The following IVD variants were observed in gnomAD, a reference collection of about 807,000 sequenced individuals.
The protein encoded by IVD is isovaleryl-CoA dehydrogenase.
In IVD, 31 loss-of-function variants were observed where a neutral mutation model predicts 51.3. That is an observed-to-expected ratio of 0.60 (90% confidence interval 0.45 to 0.81). IVD has a LOEUF of 0.81. IVD is among the 40% of genes least tolerant of loss of function. The pLI is 0.00. For synonymous variants in IVD, 205 were observed against 219.4 expected, an observed-to-expected ratio of 0.93 and a Z score of 0.58; for missense variants, 475 against 552.0, an observed-to-expected ratio of 0.86 and a Z score of 1.40.
At chr15:40,423,029 T>G (rs1892451361), downstream of IVD, among the ~76,000 whole-genome samples, 1 of 152,054 alleles carries the variant, frequency 6.6e-6, no homozygotes, top group Non-Finnish European at 1.5e-5. Flanking sequence ...TCCTCTGGCC[T>G]CAGTCCTCCC....
intron 8 of IVD, among the ~76,000 whole-genome samples, chr15:40,435,093 T>C (rs1441625996): frequency 3.3e-5 from 5 of 152,222 alleles, no homozygotes; most frequent in Non-Finnish European, 2.9e-5. Flanking sequence ...CCTACTGAGA[T>C]TGGGGCGAGA....
rs1219365848 is a variant in IVD, at chr15:40,420,864, A to G, written c.*2601A>G. On this transcript the variant is annotated 3_prime_UTR_variant, in exon 12 of 12. Coordinates refer to ENST00000487418, the MANE Select transcript of IVD (RefSeq NM_002225.5). ...GGATAGAGTGTGATCTGAGAAGGGAATGGGTCTGGGTTGTTCCACCCCTTC... is the reference window on the plus strand; with the variant it reads ...GGATAGAGTGTGATCTGAGAAGGGAGTGGGTCTGGGTTGTTCCACCCCTTC... 64 of 985,380 alleles carry G rather than the reference A, an allele frequency of 6.5e-5. No homozygotes were observed. Among genetic ancestry groups the G allele is most frequent in the Non-Finnish European group, 7.6e-5 (63 of 829,974 alleles). 61.0% of individuals were successfully genotyped at this position (985,380 alleles called of 1,614,324 possible). A position where few individuals can be genotyped will look rare whatever the true frequency, so the allele number is the denominator to read the frequency against.
Position 40,419,471 on chromosome 15 carries a change from G to A in IVD, c.*1208G>A, listed in dbSNP as rs7165233. Reference sequence around the variant, plus strand: ...GGTTGCAATGAGCCAATATGACACCGCTGCAGTCCAGCCTGGGCCATAGAG... The same window carrying A: ...GGTTGCAATGAGCCAATATGACACCACTGCAGTCCAGCCTGGGCCATAGAG... On this transcript the variant is annotated 3_prime_UTR_variant, in exon 12 of 12. Transcript: ENST00000487418. 7.4e-3 allele frequency: 2,355 copies of A among 318,254 alleles called. 56 individuals are homozygous for A. The highest frequency in any genetic ancestry group is 0.048 in the African/African-American group (2,197 of 45,606). The allele number at this position is 318,254 out of a possible 1,614,324, so 19.7% of individuals were successfully genotyped here. A position where few individuals can be genotyped will look rare whatever the true frequency, so the allele number is the denominator to read the frequency against.
Position 40,420,933 on chromosome 15 carries a change from A to T in IVD, c.*2670A>T, listed in dbSNP as rs531526442. On this transcript the variant is annotated 3_prime_UTR_variant, in exon 12 of 12. Transcript: ENST00000487418. ...AACTGGTTTTCTTGGTTCTCAGCCC[A>T]GCAGCACCTATCCTGGCTCTTGGTC... The T allele has an allele frequency of 1.0e-6, 1 of 985,568 alleles. No individual in the cohort carries two copies. The highest frequency in any genetic ancestry group is 1.1e-4 in the East Asian group (1 of 8,822). The allele number at this position is 985,568 out of a possible 1,614,324, so 61.1% of individuals were successfully genotyped here.
At position 40,420,134 on chromosome 15, in the gene IVD, T is replaced by A. The variant is rs1804683447; in HGVS notation, c.*1871T>A. The A allele has an allele frequency of 1.0e-6, 1 of 963,710 alleles. No homozygotes were observed. Among genetic ancestry groups the A allele is most frequent in the South Asian group, 5.0e-5 (1 of 19,850 alleles). The allele number at this position is 963,710 out of a possible 1,614,324, so 59.7% of individuals were successfully genotyped here. On this transcript the variant is annotated 3_prime_UTR_variant, in exon 12 of 12. Coordinates refer to ENST00000487418, the MANE Select transcript of IVD (RefSeq NM_002225.5). ...TAATAATAAAATAAATGAACACACA[T>A]GCTGCTGAGTCCGCAGGGGGGGCAG...
At chr15:40,408,548 A>G (rs1259480677) in intron 3 of IVD, among the ~76,000 whole-genome samples, 1 of 152,182 alleles carries the variant, frequency 6.6e-6, no homozygotes, top group South Asian at 2.1e-4. Context: ...TGGCCAGATG[A>G]TGTGTTTAAT....
downstream of IVD, among the ~76,000 whole-genome samples, chr15:40,423,842 TC>T (rs1163674468): frequency 6.6e-6 from 1 of 152,194 alleles, no homozygotes; most frequent in Non-Finnish European, 1.5e-5. Context: ...GCCAGCCCTG[TC>T]CACGGGCCAG....
At position 40,405,827 on chromosome 15, in the gene IVD, G is replaced by C; in HGVS notation, c.-1G>C. On this transcript the variant is annotated 5_prime_UTR_variant, in exon 1 of 12. Transcript: ENST00000487418. ...GCGCTGGCTCTTCGTGCATGGCAGA[G>C]ATGGCGACTGCGACTCGGCTGCTGG... The C allele has an allele frequency of 1.2e-6, 2 of 1,611,864 alleles. No homozygotes were observed. Among genetic ancestry groups the C allele is most frequent in the Non-Finnish European group, 1.7e-6 (2 of 1,178,472 alleles).
intron 8 of IVD, 54 bp downstream of exon 8, chr15:40,415,036 G>T: frequency 1.3e-6 from 2 of 1,596,442 alleles, no homozygotes; most frequent in South Asian, 2.2e-5. Context: ...CTCGGCAGGT[G>T]ACCCACCATG....
At chr15:40,435,349 C>A in intron 8 of IVD, 1 of 982,002 alleles carries the variant, frequency 1.0e-6, no homozygotes, top group Non-Finnish European at 1.2e-6. Context: ...GATGGTAGAG[C>A]TCCTGGTTGG....
At chr15:40,429,308 C>A (rs1941281913), downstream of IVD, among the ~76,000 whole-genome samples, 1 of 152,222 alleles carries the variant, frequency 6.6e-6, no homozygotes, top group Admixed American at 6.5e-5. Flanking sequence ...CAATCCCCTG[C>A]TCAGTTAAGA....
At chr15:40,417,852 A>G (rs1329902978) in intron 11 of IVD, among the ~76,000 whole-genome samples, 1 of 152,106 alleles carries the variant, frequency 6.6e-6, no homozygotes, top group Non-Finnish European at 1.5e-5. Flanking sequence ...CATAAATTAA[A>G]CTTTCTCATA....
intron 6 of IVD, chr15:40,412,561 C>A: frequency 4.5e-6 from 1 of 222,380 alleles, no homozygotes; most frequent in Non-Finnish European, 9.0e-6. Context: ...TGCTGCAACC[C>A]AGTAGTCCAG....
At chr15:40,407,608 T>C (rs1265236869) in intron 1 of IVD, 28 bp from the exon 2 acceptor site, 3 of 1,516,836 alleles carry the variant, frequency 2.0e-6, no homozygotes, top group South Asian at 1.1e-5. Flanking sequence ...CTGTCTGCAG[T>C]GGCATCTGTT....
At chr15:40,416,797 A>G (rs571645200) in intron 11 of IVD, among the ~76,000 whole-genome samples, 1 of 152,314 alleles carries the variant, frequency 6.6e-6, no homozygotes, top group African/African-American at 2.4e-5. Context: ...CCCAGTTACA[A>G]GGAGGAAATG....
chr15:40,415,377 C>T lies in IVD; in HGVS notation c.879-24C>T, dbSNP rs778109931. 8.1e-6 allele frequency: 13 copies of T among 1,603,994 alleles called. No individual in the cohort carries two copies. In the Middle Eastern group the frequency reaches 5.0e-4, roughly 61 times the overall value. ...CGGTGGTGGGATGAGGAGGTGCCCA[C>T]GGGGCCTTTCTCCTTTCTGACAGGC... On this transcript the variant is annotated intron_variant, in intron 8 of 11. Transcript: ENST00000487418.
intron 9 of IVD, 44 bp from the exon 10 acceptor site, chr15:40,416,030 TGAGA>T (rs1211068332): frequency 4.5e-6 from 7 of 1,572,960 alleles, no homozygotes; most frequent in Admixed American, 1.7e-5. Flanking sequence ...TTTTGGTAAC[TGAGA>T]GAGTGTTCCA....
downstream of IVD, among the ~76,000 whole-genome samples, chr15:40,424,677 A>C (rs1238220711): frequency 2.0e-5 from 3 of 152,242 alleles, no homozygotes; most frequent in Non-Finnish European, 2.9e-5. Context: ...CTGGCATGTA[A>C]TAGGTGCACA....
chr15:40,415,016 T>C lies in IVD; in HGVS notation c.878+34T>C, dbSNP rs370864896. 8.7e-6 allele frequency: 14 copies of C among 1,610,878 alleles called. No homozygotes were observed. The African/African-American group carries it at 1.6e-4, about 18-fold the overall frequency. On this transcript the variant is annotated intron_variant, in intron 8 of 11. Transcript: ENST00000487418. ...GAGAGGCTTGAGGGAAGCTGGGCTCTGTCGGCCTCCTCGGCAGGTGACCCA... is the reference window on the plus strand; with the variant it reads ...GAGAGGCTTGAGGGAAGCTGGGCTCCGTCGGCCTCCTCGGCAGGTGACCCA...
Sources: allele counts gnomAD v4.1 joint callset (sites outside exome capture counted in the v4.1 genomes callset), GRCh38; gene constraint gnomAD v4.1.1; transcripts MANE v1.5; gene names NCBI Gene and HGNC (gene_info 2026-07-23, HGNC 2026-07-21).